PROX1: variants seen among roughly 807,000 people sequenced by gnomAD.
PROX1 encodes the protein prospero homeobox protein 1.
In PROX1, 7 loss-of-function variants were observed where a neutral mutation model predicts 58.8. The ratio of observed to expected loss-of-function variants is 0.12; its 90% CI spans 0.07 to 0.22. PROX1 has a LOEUF of 0.22. Ranked by LOEUF, PROX1 falls within the 10% of genes least tolerant of loss-of-function variation. The pLI is 1.00. For missense variants in PROX1, 675 were observed against 927.8 expected, an observed-to-expected ratio of 0.73 and a Z score of 3.54; for synonymous variants, 350 against 358.3, an observed-to-expected ratio of 0.98 and a Z score of 0.26.
chr1:213,999,472 C>T (rs1663412261), intron 2 of PROX1, among the ~76,000 whole-genome samples: 1 of 152,176 alleles, frequency 6.6e-6, no homozygotes, highest in Admixed American at 6.5e-5. Flanking sequence ...AGTGCAAAGT[C>T]CCAGCTATTG....
intron 2 of PROX1, among the ~76,000 whole-genome samples, chr1:214,004,183 A>G (rs1041179219): frequency 3.9e-5 from 6 of 152,250 alleles, no homozygotes; most frequent in African/African-American, 1.4e-4. Context: ...TGGCAGGGCC[A>G]GGCTGCGGCA....
At position 214,036,351 on chromosome 1, in the gene PROX1, T is replaced by G. The variant is rs1407321336; in HGVS notation, c.*517T>G. The stretch of plus-strand genomic sequence containing the variant: ...ACTCAATCAGTAGCTTTTCCTTACA[T>G]GTTTAAAAATAATTCCAATGACAGA... On this transcript the variant is annotated 3_prime_UTR_variant, in exon 5 of 5. Transcript: ENST00000366958. 6.6e-6 allele frequency: 1 copy of G among 152,200 alleles called. No individual in the cohort carries two copies. The highest frequency in any genetic ancestry group is 1.5e-5 in the Non-Finnish European group (1 of 68,040). 9.4% of individuals were successfully genotyped at this position (152,200 alleles called of 1,614,324 possible).
intron 2 of PROX1, among the ~76,000 whole-genome samples, chr1:214,000,422 C>G (rs933550992): frequency 6.6e-6 from 1 of 152,166 alleles, no homozygotes; most frequent in African/African-American, 2.4e-5. Context: ...GTTGCTTCTT[C>G]TTCAGAGGCA....
At chr1:214,011,424 AGAAGGGACGG>A (rs1663906155) in intron 3 of PROX1, 87 bp from the exon 4 acceptor site, 1 of 1,149,794 alleles carries the variant, frequency 8.7e-7, no homozygotes, top group African/African-American at 1.6e-5. Flanking sequence ...TTCCAAGTAA[AGAAGGGACGG>A]GAACATTAAA....
chr1:214,035,834 G>A lies in PROX1; in HGVS notation c.2214G>A (p.Ter738=), dbSNP rs763148426. The part of the protein sequence containing the change: ...PNCLQELLHE[*] ...GCCTACAAGAGCTGCTTCATGAGTAGAAATTTCAACAACTCTTTTTGAATG... is the reference window on the plus strand; with the variant it reads ...GCCTACAAGAGCTGCTTCATGAGTAAAAATTTCAACAACTCTTTTTGAATG... Residue 738 remains the stop codon, a stop_retained_variant, in exon 5 of 5, where the codon TAG becomes TAA. Coordinates refer to ENST00000366958, the MANE Select transcript of PROX1 (RefSeq NM_001270616.2). The A allele has an allele frequency of 5.6e-6, 9 of 1,605,410 alleles. No homozygotes were observed. The highest frequency in any genetic ancestry group is 6.0e-6 in the Non-Finnish European group (7 of 1,176,018).
chr1:214,035,025 G>A (rs1451113829), intron 4 of PROX1, among the ~76,000 whole-genome samples: 1 of 152,040 alleles, frequency 6.6e-6, no homozygotes, highest in African/African-American at 2.4e-5. Flanking sequence ...AGTTTCTGAT[G>A]TAATATTTTA....
upstream of PROX1, chr1:213,984,065 G>T (rs1662766295): frequency 6.6e-6 from 1 of 152,210 alleles, no homozygotes; most frequent in Admixed American, 6.5e-5. Context: ...GCAAAGCCAG[G>T]GTTGGCGGCG....
chr1:214,038,603 C>A lies in PROX1; in HGVS notation c.*2769C>A, dbSNP rs536705329. 1.3e-4 allele frequency: 20 copies of A among 152,258 alleles called. No individual in the cohort carries two copies. The highest frequency in any genetic ancestry group is 4.8e-4 in the African/African-American group (20 of 41,546). The allele number at this position is 152,258 out of a possible 1,614,324, so 9.4% of individuals were successfully genotyped here. On this transcript the variant is annotated 3_prime_UTR_variant, in exon 5 of 5. Transcript: ENST00000366958. ...ACCCTAAATTATTTTTGCGTATACG[C>A]TTGAGGTTATAGTCTGTGCCTAGAC...
intron 3 of PROX1, among the ~76,000 whole-genome samples, chr1:214,011,144 G>A (rs1015500507): frequency 1.3e-5 from 2 of 152,128 alleles, no homozygotes; most frequent in Non-Finnish European, 2.9e-5. Context: ...TGGTACATGG[G>A]AGTAACAACA....
intron 4 of PROX1, among the ~76,000 whole-genome samples, chr1:214,015,172 G>C (rs1282561973): frequency 2.6e-5 from 4 of 152,146 alleles, no homozygotes; most frequent in Admixed American, 2.6e-4. Flanking sequence ...AGACACCCAA[G>C]GGGAAAAATA....
chr1:213,997,132 T>C lies in PROX1; in HGVS notation c.597T>C (p.Ser199=). 6.2e-7 allele frequency: 1 copy of C among 1,612,800 alleles called. No homozygotes were observed. The highest frequency in any genetic ancestry group is 8.5e-7 in the Non-Finnish European group (1 of 1,179,654). The change falls in exon 2 of 5, where the codon AGT becomes AGC. Residue 199 remains serine, a synonymous_variant. Coordinates refer to ENST00000366958, the MANE Select transcript of PROX1 (RefSeq NM_001270616.2). This position sits in a 1 kb window ranked among gnomAD's most constrained non-coding sequence, Gnocchi z 7.1. ...GAGAGATGGCCCCGCAGTCTGTGAG[T>C]CCCCGAGAAAGTTACAGAGAAAACA... ...NEREMAPQSV[S]PRESYRENKR... is the part of the protein sequence containing the mutation.
chr1:214,011,456 C>T, intron 3 of PROX1, 65 bp from the exon 4 acceptor site: 8 of 1,422,722 alleles, frequency 5.6e-6, no homozygotes, highest in Non-Finnish European at 7.7e-6. Flanking sequence ...ATGCTTCAGA[C>T]ACTTAAAAAA....
intron 4 of PROX1, among the ~76,000 whole-genome samples, chr1:214,034,985 T>C (rs1664781175): frequency 6.6e-6 from 1 of 152,192 alleles, no homozygotes; most frequent in African/African-American, 2.4e-5. Context: ...ATCACTCTCT[T>C]ATGGAGCAAT....
chr1:214,005,098 C>T, intron 2 of PROX1, 67 bp from the exon 3 acceptor site: 1 of 1,279,360 alleles, frequency 7.8e-7, no homozygotes, highest in Non-Finnish European at 1.1e-6. Context: ...GAGGTGGGGA[C>T]TGGAGGGAGG....
chr1:214,012,077 G>A (rs1242759076), intron 4 of PROX1, among the ~76,000 whole-genome samples: 1 of 152,210 alleles, frequency 6.6e-6, no homozygotes, highest in Non-Finnish European at 1.5e-5. Flanking sequence ...TTTAGGTTCT[G>A]AGAGGTCAAT....
chr1:214,002,827 GA>G (rs986914465), intron 2 of PROX1, among the ~76,000 whole-genome samples: 41 of 151,814 alleles, frequency 2.7e-4, no homozygotes, highest in Admixed American at 1.3e-4. Context: ...ATTTTGAGGA[GA>G]AAAAAAGGAT....
At chr1:214,022,953 T>C (rs1271267375) in intron 4 of PROX1, among the ~76,000 whole-genome samples, 1 of 152,194 alleles carries the variant, frequency 6.6e-6, no homozygotes, top group Non-Finnish European at 1.5e-5. Context: ...TCTACCCTGG[T>C]GACTCTGCTG....
In PROX1 at chr1:214,040,789, A is replaced by G. The variant is rs908778267; in HGVS notation, c.*4955A>G. 3 of 152,046 alleles carry G rather than the reference A, an allele frequency of 2.0e-5. No homozygotes were observed. Among genetic ancestry groups the G allele is most frequent in the Non-Finnish European group, 4.4e-5 (3 of 67,984 alleles). The allele number at this position is 152,046 out of a possible 1,614,324, so 9.4% of individuals were successfully genotyped here. On this transcript the variant is annotated 3_prime_UTR_variant, in exon 5 of 5. Transcript: ENST00000366958. ...TTTTTTTTAGCTAGAGGCAATTTCA[A>G]TTGTGAATTTTTGTTGTTGTCTATT...
chr1:213,988,903 T>C (rs1047194496), intron 1 of PROX1, among the ~76,000 whole-genome samples: 1 of 151,910 alleles, frequency 6.6e-6, no homozygotes, highest in African/African-American at 2.4e-5. Context: ...CTCTCTCTTC[T>C]CAGGAGAGAG....
Sources: gnomAD v4.1 joint callset for allele counts (sites outside exome capture counted in the v4.1 genomes callset) on GRCh38, gnomAD v4.1.1 for gene constraint, Gnocchi (gnomAD v3.1) non-coding constraint, MANE v1.5 for transcripts, NCBI Gene and HGNC (gene_info 2026-07-23, HGNC 2026-07-21) for gene names.